Variants in FADS6 observed in about 807,000 individuals in gnomAD.
FADS6 encodes the protein fatty acid desaturase 6.
FADS6 carries 28 observed loss-of-function variants against 31.7 expected under a neutral mutation model. The ratio of observed to expected loss-of-function variants is 0.88; its 90% CI spans 0.66 to 1.21. The LOEUF is 1.21. Among genes scored for constraint, FADS6 ranks in the 50% most tolerant of loss-of-function variants. The pLI is 0.00. For synonymous variants in FADS6, 191 were observed against 213.1 expected, an observed-to-expected ratio of 0.90 and a Z score of 0.90; for missense variants, 494 against 504.2, an observed-to-expected ratio of 0.98 and a Z score of 0.19.
intron 2 of FADS6, among the ~76,000 whole-genome samples, chr17:74,891,630 G>C (rs2144727155): frequency 6.6e-6 from 1 of 152,268 alleles, no homozygotes; most frequent in East Asian, 1.9e-4. Flanking sequence ...TGGTGAGAGG[G>C]GCAGGGGAGG....
chr17:74,883,478 G>A (rs958009239), intron 2 of FADS6, among the ~76,000 whole-genome samples: 29 of 152,134 alleles, frequency 1.9e-4, no homozygotes, highest in African/African-American at 6.5e-4. Flanking sequence ...CTGGAACGAC[G>A]TGAAAAGTTT....
intron 3 of FADS6, among the ~76,000 whole-genome samples, chr17:74,881,498 G>C (rs2038568736): frequency 6.6e-6 from 1 of 152,120 alleles, no homozygotes. Flanking sequence ...AGGAGTTCGA[G>C]ACCAGCCTGG....
intron 3 of FADS6, among the ~76,000 whole-genome samples, chr17:74,882,181 C>T (rs1444361976): frequency 6.6e-6 from 1 of 152,170 alleles, no homozygotes; most frequent in Non-Finnish European, 1.5e-5. Flanking sequence ...AGCAATCCAC[C>T]TGCCTCAGCC....
chr17:74,881,399 GTGGATGAAGAAA>G, intron 3 of FADS6, 144 bp from the exon 4 acceptor site: 1 of 791,220 alleles, frequency 1.3e-6, no homozygotes, highest in South Asian at 2.0e-5. Context: ...ACCCCATTGT[GTGGATGAAGAAA>G]CAGAGGCCAG....
chr17:74,878,162 A>C lies in FADS6; in HGVS notation c.*169T>G, dbSNP rs1242771360. On this transcript the variant is annotated 3_prime_UTR_variant, in exon 6 of 6. Coordinates refer to ENST00000612771, the MANE Select transcript of FADS6 (RefSeq NM_178128.6). ...CAAAACCCAGAAAAGCACGCAAGGC[A>C]GGTGGCCCCCAGACCCCAGGCCTGA... The C allele has an allele frequency of 7.0e-6, 10 of 1,424,172 alleles. No individual in the cohort carries two copies. Among genetic ancestry groups the C allele is most frequent in the Non-Finnish European group, 9.1e-6 (10 of 1,094,664 alleles). The allele number at this position is 1,424,172 out of a possible 1,614,324, so 88.2% of individuals were successfully genotyped here. A position where few individuals can be genotyped will look rare whatever the true frequency, so the allele number is the denominator to read the frequency against.
At chr17:74,885,844 G>A (rs532582018) in intron 2 of FADS6, among the ~76,000 whole-genome samples, 1 of 152,226 alleles carries the variant, frequency 6.6e-6, no homozygotes, top group Non-Finnish European at 1.5e-5. Flanking sequence ...ATCCTGTAGT[G>A]TACTGTTTGT....
At position 74,893,624 on chromosome 17, in the gene FADS6, A is replaced by T. The variant is rs768318272; in HGVS notation, c.-29T>A. 3.1e-6 allele frequency: 4 copies of T among 1,291,524 alleles called. No homozygotes were observed. The Admixed American group carries it at 1.6e-4, about 53-fold the overall frequency. 80.0% of individuals were successfully genotyped at this position (1,291,524 alleles called of 1,614,324 possible). ...CTCTGTGGGCTCGGGCCCGACGCGCACGGAGGACTGGAGGACTGGGGCGTG... is the reference window on the plus strand; with the variant it reads ...CTCTGTGGGCTCGGGCCCGACGCGCTCGGAGGACTGGAGGACTGGGGCGTG... On this transcript the variant is annotated 5_prime_UTR_variant, in exon 1 of 6. Transcript: ENST00000612771.
At chr17:74,883,378 A>G (rs1447922590) in intron 2 of FADS6, among the ~76,000 whole-genome samples, 4 of 152,252 alleles carry the variant, frequency 2.6e-5, no homozygotes, top group African/African-American at 7.2e-5. Context: ...TTAAGCAGAT[A>G]CATGCAAATG....
rs1463537966 is a variant in FADS6, at chr17:74,880,415, C to T, written c.780+653G>A. ...TGTCCCCCAGGCTGGAGTTCAGTGG[C>T]GCAATCTCGGCTCACTGCAACCTCT... On this transcript the variant is annotated intron_variant, in intron 4 of 5. Transcript: ENST00000612771. Among the ~76,000 whole-genome samples, 20 of 151,972 alleles carry T rather than the reference C, an allele frequency of 1.3e-4. 1 individual carries two copies. Among genetic ancestry groups the T allele is most frequent in the Admixed American group, 1.2e-3 (19 of 15,246 alleles).
At chr17:74,880,021 A>G (rs1236676520) in intron 4 of FADS6, among the ~76,000 whole-genome samples, 2 of 152,224 alleles carry the variant, frequency 1.3e-5, no homozygotes, top group African/African-American at 4.8e-5. Context: ...TCAGGAACTC[A>G]GACATGACCA....
At chr17:74,892,748 A>C in intron 1 of FADS6, 59 bp from the exon 2 acceptor site, 1 of 1,505,292 alleles carries the variant, frequency 6.6e-7, no homozygotes, top group Non-Finnish European at 8.9e-7. Flanking sequence ...TCTGGGCCCA[A>C]ATACCTCAAC....
chr17:74,878,172 C>A lies in FADS6; in HGVS notation c.*159G>T. The A allele has an allele frequency of 7.0e-7, 1 of 1,427,612 alleles. No homozygotes were observed. The highest frequency in any genetic ancestry group is 2.6e-5 in the East Asian group (1 of 39,086). The allele number at this position is 1,427,612 out of a possible 1,614,324, so 88.4% of individuals were successfully genotyped here. ...AAAAGCACGCAAGGCAGGTGGCCCC[C>A]AGACCCCAGGCCTGAGCTCCCCTGC... On this transcript the variant is annotated 3_prime_UTR_variant, in exon 6 of 6. Coordinates refer to ENST00000612771, the MANE Select transcript of FADS6 (RefSeq NM_178128.6).
Position 74,892,528 on chromosome 17 carries a change from C to A in FADS6, c.406G>T (p.Val136Leu). 1 of 1,612,216 alleles carries A rather than the reference C, an allele frequency of 6.2e-7. No homozygotes were observed. Among genetic ancestry groups the A allele is most frequent in the South Asian group, 1.1e-5 (1 of 90,620 alleles). ...CCTCCTTCTCCCAGGCTCACCTCCA[C>A]AAAGAAAAGCAGCCAGATCTTGCTC... is the stretch of plus-strand genomic sequence containing the variant. Reference protein sequence around the residue: ...RWSKIWLLFFVEVCTAFTAEH... With the variant: ...RWSKIWLLFFLEVCTAFTAEH... Residue 136 changes from valine to leucine, a missense_variant, in exon 2 of 6, where the codon GTG becomes TTG. Transcript: ENST00000612771.
At chr17:74,880,813 T>C (rs1362319488) in intron 4 of FADS6, among the ~76,000 whole-genome samples, 2 of 152,182 alleles carry the variant, frequency 1.3e-5, no homozygotes, top group Non-Finnish European at 2.9e-5. Flanking sequence ...AGACCTAGCA[T>C]AGTGCCTGGC....
At chr17:74,890,572 C>T (rs933971398) in intron 2 of FADS6, among the ~76,000 whole-genome samples, 2 of 152,146 alleles carry the variant, frequency 1.3e-5, no homozygotes, top group African/African-American at 4.8e-5. Flanking sequence ...CAGGCCTGAA[C>T]CTGGTTCCCT....
chr17:74,881,348 C>T (rs765005474), intron 3 of FADS6, 93 bp from the exon 4 acceptor site: 12 of 1,243,140 alleles, frequency 9.7e-6, no homozygotes, highest in South Asian at 1.6e-5. Flanking sequence ...GGAGGCCAGG[C>T]GTGTTCAATT....
At position 74,879,396 on chromosome 17, in the gene FADS6, T is replaced by C; in HGVS notation, c.960+8A>G. 1 of 1,612,858 alleles carries C rather than the reference T, an allele frequency of 6.2e-7. No individual in the cohort carries two copies. Among genetic ancestry groups the C allele is most frequent in the Non-Finnish European group, 8.5e-7 (1 of 1,179,300 alleles). On this transcript the variant is annotated splice_region_variant and intron_variant, in intron 5 of 5. Transcript: ENST00000612771. The stretch of plus-strand genomic sequence containing the variant: ...TATTCCAGCGCCCCCAGCCCAGCCC[T>C]CGACTACCTTCAGGCACATGTTATC...
intron 2 of FADS6, among the ~76,000 whole-genome samples, chr17:74,889,620 C>G (rs6501739): frequency 0.62 from 93,370 of 150,614 alleles, 29,904 homozygotes; most frequent in South Asian, 0.74. Context: ...AATCCCAGCA[C>G]TTTGGGAGGC....
downstream of FADS6, among the ~76,000 whole-genome samples, chr17:74,875,218 G>T (rs546947153): frequency 1.3e-4 from 20 of 152,240 alleles, no homozygotes; most frequent in African/African-American, 4.1e-4. Context: ...TTCACTGTCT[G>T]TAACATTTGG....
Sources: allele counts gnomAD v4.1 joint callset (sites outside exome capture counted in the v4.1 genomes callset), GRCh38; gene constraint gnomAD v4.1.1; transcripts MANE v1.5; gene names NCBI Gene and HGNC (gene_info 2026-07-23, HGNC 2026-07-21).